The following CCNY variants were observed in gnomAD, a reference collection of about 807,000 sequenced individuals.
The protein encoded by CCNY is cyclin-Y.
In CCNY, 19 loss-of-function variants were observed where a neutral mutation model predicts 42.8. The ratio of observed to expected loss-of-function variants is 0.44; its 90% CI spans 0.31 to 0.65. The LOEUF is 0.65. CCNY is among the 30% of genes least tolerant of loss of function. The pLI, the probability that CCNY is intolerant of heterozygous loss-of-function variation, is 0.07. For synonymous variants in CCNY, 165 were observed against 162.7 expected (o/e 1.01, Z -0.11); for missense variants, 370 against 437.3 (o/e 0.85, Z 1.37).
intron 2 of CCNY, among the ~76,000 whole-genome samples, chr10:35,249,274 T>C (rs939176327): frequency 6.6e-6 from 1 of 152,202 alleles, no homozygotes; most frequent in Non-Finnish European, 1.5e-5. Flanking sequence ...ATATTGAGAC[T>C]AATGTTGAGT....
At position 35,479,807 on chromosome 10, in the gene CCNY, A is replaced by G. The variant is rs143880183; in HGVS notation, c.155-3597A>G. Among the ~76,000 whole-genome samples the G allele has an allele frequency of 1.6e-4, 25 of 152,270 alleles. No individual in the cohort carries two copies. The East Asian group carries it at 3.3e-3, about 20-fold the overall frequency. ...ATCATAGAGGTGAACTGAAACCACTACGCTCTTCCAGATGTATTCTACCTC... is the reference window on the plus strand; with the variant it reads ...ATCATAGAGGTGAACTGAAACCACTGCGCTCTTCCAGATGTATTCTACCTC... On this transcript the variant is annotated intron_variant, in intron 1 of 9. Transcript: ENST00000374704.
At chr10:35,275,487 G>C (rs927889391) in intron 3 of CCNY, among the ~76,000 whole-genome samples, 5 of 151,906 alleles carry the variant, frequency 3.3e-5, no homozygotes, top group African/African-American at 1.2e-4. Context: ...CAGTCGGCTG[G>C]GCGCGGTGGC....
chr10:35,483,428 C>G lies in CCNY; in HGVS notation c.179C>G (p.Ser60Ter), dbSNP rs762821115. Residue 60 changes from serine (S) to a stop codon, truncating the protein, a stop_gained, in exon 2 of 10, where the codon TCA becomes TGA. Transcript: ENST00000374704. LOFTEE classifies it high-confidence loss of function. ...GATTTGAACATGGAATTCAATCCTT[C>G]AGATCATCCTCGGGCCAGCACAATA... ...IDDLNMEFNP[S>*]DHPRASTIFL... The G allele has an allele frequency of 6.2e-7, 1 of 1,607,062 alleles. No homozygotes were observed. Among genetic ancestry groups the G allele is most frequent in the South Asian group, 1.1e-5 (1 of 90,532 alleles).
rs992598642 is a variant in CCNY at position 35,362,920 on chromosome 10, A to G, written c.154+25713A>G. Among the ~76,000 whole-genome samples, 50 of 150,364 alleles carry G rather than the reference A, an allele frequency of 3.3e-4. 1 individual carries two copies. The highest frequency in any genetic ancestry group is 1.2e-3 in the African/African-American group (50 of 40,566). On this transcript the variant is annotated intron_variant, in intron 1 of 9. Transcript: ENST00000374704. ...CCCAGATAGGGCGGCAGCCGGACAG[A>G]GGCGATCCTCACTTCCCAGATGGTC... is the stretch of plus-strand genomic sequence containing the variant.
At chr10:35,277,780 C>T (rs1274902656) in intron 3 of CCNY, among the ~76,000 whole-genome samples, 3 of 151,644 alleles carry the variant, frequency 2.0e-5, no homozygotes, top group African/African-American at 4.8e-5. Flanking sequence ...TTGTATGTTG[C>T]GGGCTGGGCC....
chr10:35,489,865 C>A (rs75558698), intron 2 of CCNY, among the ~76,000 whole-genome samples: 1 of 152,280 alleles, frequency 6.6e-6, no homozygotes, highest in East Asian at 1.9e-4. Flanking sequence ...AAAAGGTTTA[C>A]CAAATGTAGC....
intron 9 of CCNY, among the ~76,000 whole-genome samples, chr10:35,568,033 C>G (rs1841606132): frequency 6.6e-6 from 1 of 152,208 alleles, no homozygotes; most frequent in African/African-American, 2.4e-5. Flanking sequence ...CCTGGTCCCC[C>G]TCGTCACCAG....
At chr10:35,454,851 C>T (rs1353524207) in intron 1 of CCNY, among the ~76,000 whole-genome samples, 1 of 152,202 alleles carries the variant, frequency 6.6e-6, no homozygotes, top group Non-Finnish European at 1.5e-5. Context: ...TAACTTCCAA[C>T]AAACCTTGCC....
chr10:35,465,938 A>AGAGAGAGAGAGAGAGAGAGAGTGTGTGT, intron 1 of CCNY, among the ~76,000 whole-genome samples: 3 of 81,026 alleles, frequency 3.7e-5, no homozygotes, highest in African/African-American at 8.7e-5. Flanking sequence ...AGAGAGAGAG[A>AGAGAGAGAGAGAGAGAGAGAGTGTGTGT]GTGTGTGTGT....
At chr10:35,361,341 A>G (rs1478816501) in intron 1 of CCNY, among the ~76,000 whole-genome samples, 11 of 152,222 alleles carry the variant, frequency 7.2e-5, no homozygotes, top group African/African-American at 1.4e-4. Flanking sequence ...CTTCTAAAAC[A>G]TGATTATTAA....
chr10:35,502,515 T>TAC (rs1840131382), intron 3 of CCNY, among the ~76,000 whole-genome samples: 1 of 152,206 alleles, frequency 6.6e-6, no homozygotes, highest in Admixed American at 6.5e-5. Flanking sequence ...GCTGGGCCCT[T>TAC]ACACTCAAGG....
chr10:35,357,206 G>GCCCCAT (rs1589057592), intron 1 of CCNY, among the ~76,000 whole-genome samples: 1 of 65,724 alleles, frequency 1.5e-5, no homozygotes, highest in African/African-American at 6.4e-5. Context: ...CCCAGCCCCA[G>GCCCCAT]CCCCAGCCCC....
intron 8 of CCNY, among the ~76,000 whole-genome samples, chr10:35,556,642 T>C (rs1841367771): frequency 6.6e-6 from 1 of 152,144 alleles, no homozygotes; most frequent in African/African-American, 2.4e-5. Context: ...AGCTTCCTTC[T>C]GATAGGGGTA....
chr10:35,472,171 G>A (rs1246900325), intron 1 of CCNY, among the ~76,000 whole-genome samples: 1 of 152,138 alleles, frequency 6.6e-6, no homozygotes, highest in African/African-American at 2.4e-5. Context: ...GCTAGTACCT[G>A]ACTCCTAATC....
At chr10:35,322,609 T>C (rs939277861) in intron 3 of CCNY, among the ~76,000 whole-genome samples, 4 of 152,200 alleles carry the variant, frequency 2.6e-5, no homozygotes, top group Admixed American at 2.6e-4. Context: ...AACACATATC[T>C]ACATACCTGC....
chr10:35,420,822 A>G (rs909460885), intron 1 of CCNY, among the ~76,000 whole-genome samples: 10 of 152,234 alleles, frequency 6.6e-5, no homozygotes, highest in Non-Finnish European at 1.5e-5. Context: ...TTTAACTGTT[A>G]ATTCACAGCC....
intron 1 of CCNY, among the ~76,000 whole-genome samples, chr10:35,433,276 A>G (rs996383341): frequency 1.3e-5 from 2 of 152,222 alleles, no homozygotes; most frequent in Non-Finnish European, 2.9e-5. Flanking sequence ...TGAATGAAAT[A>G]AAATACATTT....
chr10:35,512,611 G>A (rs139375729), intron 3 of CCNY, among the ~76,000 whole-genome samples: 37 of 152,234 alleles, frequency 2.4e-4, no homozygotes, highest in African/African-American at 7.9e-4. Context: ...GAGGTTGAGC[G>A]AATTCAGAAA....
intron 8 of CCNY, among the ~76,000 whole-genome samples, chr10:35,559,278 G>A (rs7910421): frequency 0.022 from 3,337 of 152,284 alleles, 115 homozygotes; most frequent in African/African-American, 0.075. Context: ...ACCAAATAGC[G>A]TTCTAGTGTT....
Sources: gnomAD v4.1 joint callset for allele counts (sites outside exome capture counted in the v4.1 genomes callset) on GRCh38, gnomAD v4.1.1 for gene constraint, MANE v1.5 for transcripts, NCBI Gene and HGNC (gene_info 2026-07-23, HGNC 2026-07-21) for gene names.